KCNH1: variants seen among roughly 807,000 people sequenced by gnomAD.
The protein encoded by KCNH1 is voltage-gated delayed rectifier potassium channel KCNH1.
KCNH1 carries 27 observed loss-of-function variants against 69.2 expected under a neutral mutation model. The ratio of observed to expected loss-of-function variants is 0.39; its 90% confidence interval spans 0.29 to 0.54. The LOEUF (loss-of-function observed/expected upper bound fraction) is 0.54, where lower values mean the gene tolerates loss of function less well. Among genes scored for constraint, KCNH1 ranks in the 20% least tolerant of loss-of-function variants. The pLI, the probability that KCNH1 is intolerant of heterozygous loss-of-function variation, is 0.68. For synonymous variants in KCNH1, 456 were observed against 487.7 expected (o/e 0.93, Z 0.86); for missense variants, 798 against 1,261.6 (o/e 0.63, Z 5.57).
chr1:210,793,896 C>T (rs1209751996), intron 9 of KCNH1, among the ~76,000 whole-genome samples: 6 of 152,202 alleles, frequency 3.9e-5, no homozygotes, highest in Non-Finnish European at 7.3e-5. Flanking sequence ...AGAGTGATGG[C>T]TGTCTTTCCA....
At chr1:210,858,098 C>A (rs910490849) in intron 7 of KCNH1, 1 of 152,136 alleles carries the variant, frequency 6.6e-6, no homozygotes, top group African/African-American at 2.4e-5. Flanking sequence ...TATATTGTTA[C>A]AAAACTGAAA....
At chr1:210,847,231 C>T (rs1242235947) in intron 7 of KCNH1, among the ~76,000 whole-genome samples, 1 of 152,202 alleles carries the variant, frequency 6.6e-6, no homozygotes, top group Middle Eastern at 3.4e-3. Flanking sequence ...CATTACTGGG[C>T]ATATACCCAA....
chr1:211,005,511 G>T (rs577904925), intron 6 of KCNH1, among the ~76,000 whole-genome samples: 1 of 152,202 alleles, frequency 6.6e-6, no homozygotes, highest in African/African-American at 2.4e-5. Context: ...GTGAAGAAAG[G>T]ATGGCATTTT....
At chr1:211,091,636 G>A (rs767033486) in intron 3 of KCNH1, among the ~76,000 whole-genome samples, 1 of 152,178 alleles carries the variant, frequency 6.6e-6, no homozygotes. Context: ...GATCACATTA[G>A]TGCCATAGGA....
intron 7 of KCNH1, among the ~76,000 whole-genome samples, chr1:210,846,299 T>G (rs1192918853): frequency 1.3e-5 from 2 of 152,162 alleles, no homozygotes; most frequent in African/African-American, 2.4e-5. Flanking sequence ...AGAACAAACC[T>G]GGAGGCATCA....
chr1:210,709,757 AG>A (rs1215799426), intron 10 of KCNH1, among the ~76,000 whole-genome samples: 9 of 152,082 alleles, frequency 5.9e-5, no homozygotes, highest in Non-Finnish European at 1.3e-4. Flanking sequence ...AGAGAGAGAG[AG>A]AGAGAGAAAT....
At chr1:210,797,865 C>A in intron 8 of KCNH1, 105 bp from the exon 9 acceptor site, 3 of 1,315,422 alleles carry the variant, frequency 2.3e-6, no homozygotes, top group Non-Finnish European at 3.1e-6. Flanking sequence ...CGCCAGACTG[C>A]ACTCTTCTAA....
chr1:210,806,172 A>C (rs1684546824), intron 7 of KCNH1, among the ~76,000 whole-genome samples: 2 of 152,192 alleles, frequency 1.3e-5, no homozygotes, highest in Non-Finnish European at 2.9e-5. Context: ...ACCACTTTAC[A>C]TTCCTGCCAG....
At chr1:211,060,137 G>C (rs933636158) in intron 5 of KCNH1, among the ~76,000 whole-genome samples, 1 of 151,820 alleles carries the variant, frequency 6.6e-6, no homozygotes, top group Non-Finnish European at 1.5e-5. Flanking sequence ...AATGATCAGC[G>C]GGTCAATGAA....
At chr1:211,100,210 A>G (rs1216366558) in intron 3 of KCNH1, among the ~76,000 whole-genome samples, 1 of 152,046 alleles carries the variant, frequency 6.6e-6, no homozygotes, top group East Asian at 1.9e-4. Flanking sequence ...TACCCTGCTT[A>G]AAATCCCTCA....
At chr1:210,860,538 T>A in intron 7 of KCNH1, 2 of 860,074 alleles carry the variant, frequency 2.3e-6, no homozygotes, top group Non-Finnish European at 4.1e-6. Context: ...CCAACTGTTG[T>A]GTCATTTCTA....
chr1:210,856,207 T>C (rs967519921), intron 7 of KCNH1, among the ~76,000 whole-genome samples: 3 of 152,196 alleles, frequency 2.0e-5, no homozygotes, highest in Non-Finnish European at 4.4e-5. Context: ...GTAACGTAAG[T>C]ATCAACCACT....
At chr1:210,783,989 GAAGACTC>G (rs1684043188) in intron 9 of KCNH1, among the ~76,000 whole-genome samples, 2 of 152,208 alleles carry the variant, frequency 1.3e-5, no homozygotes, top group Admixed American at 6.5e-5. Flanking sequence ...AAATGATGAT[GAAGACTC>G]TGGCAGCACA....
At chr1:210,978,531 T>C (rs993817615) in intron 6 of KCNH1, among the ~76,000 whole-genome samples, 2 of 152,186 alleles carry the variant, frequency 1.3e-5, no homozygotes, top group Admixed American at 1.3e-4. Flanking sequence ...TGTTGAAACC[T>C]GAACATTATA....
At chr1:210,809,746 A>C (rs978481750) in intron 7 of KCNH1, among the ~76,000 whole-genome samples, 2 of 152,208 alleles carry the variant, frequency 1.3e-5, no homozygotes, top group Non-Finnish European at 2.9e-5. Context: ...AGGGAGGAGC[A>C]GCATCAGTGA....
chr1:211,023,054 T>C (rs1020301988), intron 5 of KCNH1, among the ~76,000 whole-genome samples: 16 of 151,622 alleles, frequency 1.1e-4, no homozygotes, highest in African/African-American at 3.6e-4. Context: ...GAGGTTGTAG[T>C]GAGCCAAGAT....
At chr1:211,070,430 AACACACAC>A (rs57063242) in intron 5 of KCNH1, among the ~76,000 whole-genome samples, 2 of 137,160 alleles carry the variant, frequency 1.5e-5, no homozygotes, top group African/African-American at 2.8e-5. Context: ...AAAAAAAAAA[AACACACAC>A]ACACACACAC....
intron 6 of KCNH1, 64 bp from the exon 7 acceptor site, chr1:210,920,133 C>T (rs745416455): frequency 4.0e-5 from 57 of 1,435,104 alleles, no homozygotes; most frequent in Non-Finnish European, 5.2e-5. Flanking sequence ...GTCCCCTCCG[C>T]CCCACTTGGG....
intron 7 of KCNH1, among the ~76,000 whole-genome samples, chr1:210,917,042 G>A (rs1280535729): frequency 6.6e-6 from 1 of 151,788 alleles, no homozygotes; most frequent in Non-Finnish European, 1.5e-5. Flanking sequence ...CAGCTACTTG[G>A]GAGGCTAAGG....
Sources: allele counts gnomAD v4.1 joint callset (sites outside exome capture counted in the v4.1 genomes callset), GRCh38; gene constraint gnomAD v4.1.1; transcripts MANE v1.5; gene names NCBI Gene and HGNC (gene_info 2026-07-23, HGNC 2026-07-21).